Variants in CSMD1 observed in about 807,000 individuals in gnomAD.
CSMD1 encodes the protein CUB and sushi domain-containing protein 1.
Under a neutral mutation model 417.5 loss-of-function variants are expected in CSMD1, and 213 were observed. The ratio of observed to expected loss-of-function variants is 0.51; its 90% CI spans 0.46 to 0.57. The LOEUF (loss-of-function observed/expected upper bound fraction) is 0.57, where lower values mean the gene tolerates loss of function less well. CSMD1 is among the 20% of genes least tolerant of loss of function. The pLI is 0.00. For missense variants in CSMD1, 6,923 were observed against 4,529.7 expected, an observed-to-expected ratio of 1.53 and a Z score of -15.17; for synonymous variants, 2,862 against 1,736.8, an observed-to-expected ratio of 1.65 and a Z score of -16.11.
At chr8:3,541,143 T>C (rs1798420143) in intron 10 of CSMD1, among the ~76,000 whole-genome samples, 1 of 152,188 alleles carries the variant, frequency 6.6e-6, no homozygotes, top group African/African-American at 2.4e-5. Flanking sequence ...TGTCCATCAA[T>C]GACAGACTGG....
At chr8:3,544,469 G>C (rs1007950921) in intron 10 of CSMD1, among the ~76,000 whole-genome samples, 1 of 152,064 alleles carries the variant, frequency 6.6e-6, no homozygotes, top group Non-Finnish European at 1.5e-5. Flanking sequence ...CTCTGTCCAT[G>C]GAGTAGCTTG....
intron 39 of CSMD1, among the ~76,000 whole-genome samples, chr8:3,152,355 A>G (rs1819250725): frequency 6.6e-6 from 1 of 152,246 alleles, no homozygotes; most frequent in Admixed American, 6.5e-5. Flanking sequence ...ATAATTTCTT[A>G]TATTCCAAAA....
intron 1 of CSMD1, among the ~76,000 whole-genome samples, chr8:4,711,819 G>C (rs544158680): frequency 6.6e-6 from 1 of 152,144 alleles, no homozygotes; most frequent in Non-Finnish European, 1.5e-5. Context: ...AAAAGGTCCC[G>C]AACCAAGTAG....
intron 64 of CSMD1, among the ~76,000 whole-genome samples, 177 bp from the exon 65 acceptor site, chr8:2,954,445 TTTG>T (rs1258074532): frequency 6.6e-6 from 1 of 152,204 alleles, no homozygotes; most frequent in African/African-American, 2.4e-5. Flanking sequence ...ATTCTTGGTG[TTTG>T]TGGGAAAGCG....
At chr8:3,955,166 T>A (rs1563250445) in intron 5 of CSMD1, among the ~76,000 whole-genome samples, 1 of 152,154 alleles carries the variant, frequency 6.6e-6, no homozygotes, top group African/African-American at 2.4e-5. Flanking sequence ...CTGACTGTCC[T>A]CCTGTCCTCC....
At chr8:4,570,724 G>A (rs955799655) in intron 2 of CSMD1, among the ~76,000 whole-genome samples, 5 of 152,166 alleles carry the variant, frequency 3.3e-5, no homozygotes, top group Admixed American at 1.3e-4. Context: ...AATGGTACAA[G>A]CTCCTCTTTG....
chr8:3,853,661 T>A (rs1042359046), intron 5 of CSMD1, among the ~76,000 whole-genome samples: 8 of 151,954 alleles, frequency 5.3e-5, no homozygotes, highest in African/African-American at 1.9e-4. Context: ...AGGACCATCT[T>A]CCCTAGTGTA....
chr8:3,884,101 T>C (rs1166506409), intron 5 of CSMD1, among the ~76,000 whole-genome samples: 1 of 152,164 alleles, frequency 6.6e-6, no homozygotes, highest in South Asian at 2.1e-4. Flanking sequence ...AACAGCGAAT[T>C]GAAAAGTAAT....
chr8:3,988,772 A>G (rs187592508), intron 5 of CSMD1, among the ~76,000 whole-genome samples: 1 of 152,354 alleles, frequency 6.6e-6, no homozygotes. Flanking sequence ...CTGAATGTGA[A>G]ACAATGCTGA....
At position 4,608,994 on chromosome 8, in the gene CSMD1, G is replaced by C. The variant is rs192516205; in HGVS notation, c.302+28348C>G. On this transcript the variant is annotated intron_variant, in intron 2 of 69. Transcript: ENST00000635120. Reference sequence around the variant, plus strand: ...TTCCTGCTGAGGTGCTCAAAGGAATGTGGCATACTTGAATGTAGAAAAAAA... The same window carrying C: ...TTCCTGCTGAGGTGCTCAAAGGAATCTGGCATACTTGAATGTAGAAAAAAA... Among the ~76,000 whole-genome samples, 28 of 150,288 alleles carry C rather than the reference G, an allele frequency of 1.9e-4. No individual in the cohort carries two copies. The East Asian group carries it at 5.1e-3, about 27-fold the overall frequency.
intron 4 of CSMD1, among the ~76,000 whole-genome samples, chr8:4,010,203 A>G (rs1659803996): frequency 6.6e-6 from 1 of 152,098 alleles, no homozygotes; most frequent in African/African-American, 2.4e-5. Context: ...CTGCTGGCAG[A>G]CTGTGCCCAC....
intron 50 of CSMD1, among the ~76,000 whole-genome samples, chr8:3,048,391 G>C (rs1031693585): frequency 6.6e-6 from 1 of 152,146 alleles, no homozygotes. Flanking sequence ...GTAGACAAAT[G>C]TGTCAATGGA....
intron 41 of CSMD1, among the ~76,000 whole-genome samples, chr8:3,119,088 G>T (rs1032731312): frequency 6.6e-6 from 1 of 152,052 alleles, no homozygotes; most frequent in Non-Finnish European, 1.5e-5. Flanking sequence ...GCTGAGGCGG[G>T]AGAATGGCGT....
chr8:3,589,438 C>T (rs1277768972), intron 8 of CSMD1, among the ~76,000 whole-genome samples: 3 of 151,716 alleles, frequency 2.0e-5, no homozygotes, highest in Non-Finnish European at 2.9e-5. Context: ...GAATACTATT[C>T]AGCCTTTTTT....
chr8:4,664,918 G>C (rs118127875), intron 1 of CSMD1, among the ~76,000 whole-genome samples: 1 of 152,096 alleles, frequency 6.6e-6, no homozygotes, highest in Non-Finnish European at 1.5e-5. Context: ...TAAAAAACTT[G>C]CATTAGGAAT....
intron 2 of CSMD1, among the ~76,000 whole-genome samples, chr8:4,503,106 T>A (rs1585174170): frequency 6.6e-6 from 1 of 152,190 alleles, no homozygotes; most frequent in East Asian, 1.9e-4. Context: ...TGAATTTGAA[T>A]CTTAGAGAAC....
chr8:3,751,483 T>G (rs977907960), intron 6 of CSMD1, among the ~76,000 whole-genome samples: 1 of 148,310 alleles, frequency 6.7e-6, no homozygotes, highest in Non-Finnish European at 1.5e-5. Flanking sequence ...AAGCATATAT[T>G]ATAGAATATA....
chr8:3,672,349 T>G (rs1183612420), intron 7 of CSMD1, among the ~76,000 whole-genome samples: 2 of 121,178 alleles, frequency 1.7e-5, no homozygotes, highest in Non-Finnish European at 3.5e-5. Flanking sequence ...CTTTTTCAGT[T>G]GTAGTGTGTG....
intron 1 of CSMD1, among the ~76,000 whole-genome samples, chr8:4,971,972 G>A (rs907662150): frequency 6.6e-6 from 1 of 151,956 alleles, no homozygotes; most frequent in African/African-American, 2.4e-5. Context: ...TAATAAACAG[G>A]TGTTAGTGAT....
Sources: gnomAD v4.1 joint callset for allele counts (sites outside exome capture counted in the v4.1 genomes callset) on GRCh38, gnomAD v4.1.1 for gene constraint, MANE v1.5 for transcripts, NCBI Gene and HGNC (gene_info 2026-07-23, HGNC 2026-07-21) for gene names.